CHM: variants seen among roughly 807,000 people sequenced by gnomAD.
CHM encodes the protein rab proteins geranylgeranyltransferase component A 1.
In CHM, 10 loss-of-function variants were observed where a neutral mutation model predicts 49.0. The ratio of observed to expected loss-of-function variants is 0.20; its 90% CI spans 0.13 to 0.35. CHM has a LOEUF of 0.35. CHM is among the 10% of genes least tolerant of loss of function. The probability of loss-of-function intolerance (pLI) is 1.00; values close to 1 mark genes in which losing one functional copy is unlikely to be tolerated. For missense variants in CHM, 455 were observed against 478.4 expected (o/e 0.95, Z 0.46); for synonymous variants, 184 against 167.5 (o/e 1.10, Z -0.76).
intron 2 of CHM, among the ~76,000 whole-genome samples, chrX:85,996,209 G>A (rs1309970846): frequency 2.7e-5 from 3 of 112,104 alleles, no homozygotes; most frequent in Admixed American, 9.5e-5. Context: ...ATGAATAGCT[G>A]TTGAATCAAT....
chrX:85,877,698 T>C (rs185940733), intron 13 of CHM, among the ~76,000 whole-genome samples: 193 of 110,473 alleles, frequency 1.7e-3, no homozygotes, highest in African/African-American at 6.1e-3. Context: ...ATATATCTCA[T>C]GTACCCAATA....
At position 86,018,025 on chromosome X, in the gene CHM, T is replaced by C. The variant is rs1289819354; in HGVS notation, c.116+9466A>G. On this transcript the variant is annotated intron_variant, in intron 2 of 14. Transcript: ENST00000357749. Reference sequence around the variant, plus strand: ...AAACACAACAAGCCACATGAAGCCATATACTTCCAAACCATGAAGCAATTC... The same window carrying C: ...AAACACAACAAGCCACATGAAGCCACATACTTCCAAACCATGAAGCAATTC... Among the ~76,000 whole-genome samples, 3 of 112,288 alleles carry C rather than the reference T, an allele frequency of 2.7e-5. No individual in the cohort carries two copies. The East Asian group carries it at 8.3e-4, about 31-fold the overall frequency.
intron 2 of CHM, among the ~76,000 whole-genome samples, chrX:85,998,900 T>A (rs1932568541): frequency 8.9e-6 from 1 of 111,830 alleles, no homozygotes; most frequent in African/African-American, 3.3e-5. Flanking sequence ...CTTACATGTA[T>A]GTATGCATAT....
chrX:85,867,448 C>A (rs2148114580), intron 14 of CHM, among the ~76,000 whole-genome samples: 1 of 112,173 alleles, frequency 8.9e-6, no homozygotes, highest in Non-Finnish European at 1.9e-5. Flanking sequence ...AGTGTGAGGA[C>A]AGACTAATAC....
At chrX:86,002,470 G>A (rs1271526339) in intron 2 of CHM, among the ~76,000 whole-genome samples, 1 of 112,114 alleles carries the variant, frequency 8.9e-6, no homozygotes, top group Non-Finnish European at 1.9e-5. Context: ...CTGGTCTGCA[G>A]CTCCCAGTGT....
chrX:85,932,130 A>T (rs1404824481), intron 8 of CHM, among the ~76,000 whole-genome samples: 2 of 112,101 alleles, frequency 1.8e-5, no homozygotes, highest in African/African-American at 6.5e-5. Flanking sequence ...GATATCTTCC[A>T]GGGGGAGCAA....
chrX:85,908,747 G>A (rs909997745), intron 9 of CHM, among the ~76,000 whole-genome samples: 3 of 110,897 alleles, frequency 2.7e-5, no homozygotes, highest in African/African-American at 9.8e-5. Context: ...GAAAACTGGG[G>A]TTCTAGTAAT....
At chrX:85,931,592 G>C (rs1467158032) in intron 8 of CHM, among the ~76,000 whole-genome samples, 1 of 111,212 alleles carries the variant, frequency 9.0e-6, no homozygotes, top group Non-Finnish European at 1.9e-5. Context: ...ATGATTTACG[G>C]ATCTACTATG....
chrX:86,026,052 A>G (rs1213593656), intron 2 of CHM, among the ~76,000 whole-genome samples: 1 of 92,007 alleles, frequency 1.1e-5, no homozygotes, highest in Non-Finnish European at 2.1e-5. Context: ...CTGAATTAAT[A>G]TTTTAAAGTA....
chrX:85,999,934 G>A (rs2147743853), intron 2 of CHM, among the ~76,000 whole-genome samples: 1 of 111,906 alleles, frequency 8.9e-6, no homozygotes, highest in African/African-American at 3.2e-5. Context: ...AATCAACAGA[G>A]GTTGTACTTG....
At chrX:86,012,056 A>T (rs1220380759) in intron 2 of CHM, among the ~76,000 whole-genome samples, 3 of 112,276 alleles carry the variant, frequency 2.7e-5, no homozygotes, top group African/African-American at 9.7e-5. Context: ...AATTTATAAC[A>T]GCAGTAATAG....
At chrX:86,008,704 A>G (rs934035310) in intron 2 of CHM, among the ~76,000 whole-genome samples, 1 of 111,705 alleles carries the variant, frequency 9.0e-6, no homozygotes, top group Non-Finnish European at 1.9e-5. Flanking sequence ...ATAAAGGATG[A>G]GATAGTAAAT....
chrX:86,021,106 G>A (rs777420383), intron 2 of CHM, among the ~76,000 whole-genome samples: 65 of 45,920 alleles, frequency 1.4e-3, no homozygotes, highest in African/African-American at 2.1e-3. Flanking sequence ...ATATATATAC[G>A]TATATATATG....
chrX:86,012,293 G>A (rs1270503837), intron 2 of CHM, among the ~76,000 whole-genome samples: 5 of 111,506 alleles, frequency 4.5e-5, no homozygotes, highest in African/African-American at 9.8e-5. Context: ...AGTGAAAATC[G>A]CCTGGTGGCA....
chrX:85,885,606 G>A (rs866198542), intron 12 of CHM, among the ~76,000 whole-genome samples: 1 of 110,957 alleles, frequency 9.0e-6, no homozygotes, highest in African/African-American at 3.3e-5. Context: ...TGAGGTATGC[G>A]TACAAGTCAC....
At chrX:86,029,324 G>C (rs1317415176) in intron 1 of CHM, among the ~76,000 whole-genome samples, 1 of 111,847 alleles carries the variant, frequency 8.9e-6, no homozygotes, top group Non-Finnish European at 1.9e-5. Flanking sequence ...AAGAAATAAT[G>C]TTCCTTTTTA....
intron 1 of CHM, among the ~76,000 whole-genome samples, chrX:86,027,771 AT>A (rs1253115908): frequency 3.4e-4 from 36 of 105,973 alleles, no homozygotes; most frequent in Admixed American, 6.1e-4. Context: ...TGTGGAAGAC[AT>A]TTTTTTTTTT....
chrX:85,909,642 T>G (rs776054188), intron 9 of CHM, among the ~76,000 whole-genome samples: 1 of 111,890 alleles, frequency 8.9e-6, no homozygotes, highest in East Asian at 2.8e-4. Flanking sequence ...AAAGAGCTCC[T>G]CTGTTTAGAG....
At chrX:85,977,497 A>C (rs1034720701) in intron 4 of CHM, among the ~76,000 whole-genome samples, 8 of 112,347 alleles carry the variant, frequency 7.1e-5, no homozygotes, top group African/African-American at 2.3e-4. Context: ...TATTAACCTC[A>C]ATTATCATAA....
Sources: gnomAD v4.1 joint callset for allele counts (sites outside exome capture counted in the v4.1 genomes callset) on GRCh38, gnomAD v4.1.1 for gene constraint, MANE v1.5 for transcripts, NCBI Gene and HGNC (gene_info 2026-07-23, HGNC 2026-07-21) for gene names.